The following COL19A1 variants were observed in gnomAD, a reference collection of about 807,000 sequenced individuals.
COL19A1 encodes collagen alpha-1(XIX) chain.
COL19A1 carries 159 observed loss-of-function variants against 190.2 expected under a neutral mutation model. The observed-to-expected ratio is 0.84, with a 90% CI of 0.73 to 0.95. The LOEUF is 0.95. Ranked by LOEUF, COL19A1 falls within the 40% of genes least tolerant of loss-of-function variation. The pLI is 0.00. For synonymous variants in COL19A1, 509 were observed against 458.9 expected, an observed-to-expected ratio of 1.11 and a Z score of -1.39; for missense variants, 1,418 against 1,431.9, an observed-to-expected ratio of 0.99 and a Z score of 0.16.
chr6:69,869,352 TAATAA>T (rs906319247), intron 1 of COL19A1, among the ~76,000 whole-genome samples: 5 of 152,138 alleles, frequency 3.3e-5, no homozygotes, highest in African/African-American at 9.7e-5. Context: ...TGTAAGCCAA[TAATAA>T]AATAATCAGG....
chr6:70,032,225 A>G (rs1028326918), intron 12 of COL19A1, among the ~76,000 whole-genome samples: 8 of 152,176 alleles, frequency 5.3e-5, no homozygotes, highest in Non-Finnish European at 1.2e-4. Flanking sequence ...TCTCAAAAGT[A>G]AGGAATGGAG....
At chr6:69,957,547 A>G (rs1207691422) in intron 9 of COL19A1, among the ~76,000 whole-genome samples, 1 of 151,698 alleles carries the variant, frequency 6.6e-6, no homozygotes, top group African/African-American at 2.4e-5. Flanking sequence ...TTCATAGAAA[A>G]CCCCGTAATG....
intron 11 of COL19A1, among the ~76,000 whole-genome samples, chr6:70,013,541 T>C (rs1778021569): frequency 4.4e-5 from 2 of 45,412 alleles, no homozygotes; most frequent in Admixed American, 2.8e-4. Context: ...TCACCACCGA[T>C]CCCACAGAAA....
chr6:70,082,437 G>A (rs572413995), intron 15 of COL19A1, among the ~76,000 whole-genome samples: 3 of 152,136 alleles, frequency 2.0e-5, no homozygotes, highest in South Asian at 2.1e-4. Flanking sequence ...CTGAGACAGA[G>A]TCTCACTCTG....
intron 4 of COL19A1, 152 bp from the exon 5 acceptor site, chr6:69,927,757 A>G (rs1400192537): frequency 1.0e-6 from 1 of 993,700 alleles, no homozygotes; most frequent in East Asian, 2.7e-5. Flanking sequence ...GTACCAGAAG[A>G]TTTTTTAAAA....
Position 70,098,529 on chromosome 6 carries a change from T to C in COL19A1, c.1225-3640T>C. On this transcript the variant is annotated intron_variant, in intron 15 of 50. Transcript: ENST00000620364. ...CTGGTATTATTTCATCTTTAAGCCTTGGCACTTCAGTTATACTTCCTCTTG... is the reference window on the plus strand; with the variant it reads ...CTGGTATTATTTCATCTTTAAGCCTCGGCACTTCAGTTATACTTCCTCTTG... The C allele has an allele frequency of 2.0e-5, 9 of 458,368 alleles. 2 individuals carry two copies. The highest frequency in any genetic ancestry group is 1.5e-4 in the South Asian group (9 of 59,326). The allele number at this position is 458,368 out of a possible 1,614,324, so 28.4% of individuals were successfully genotyped here.
intron 20 of COL19A1, among the ~76,000 whole-genome samples, chr6:70,141,525 T>C (rs992493286): frequency 2.6e-5 from 4 of 152,104 alleles, no homozygotes; most frequent in Non-Finnish European, 5.9e-5. Context: ...ACATATTACC[T>C]TAAATTCTAC....
chr6:70,099,640 G>A (rs1783504363), intron 15 of COL19A1, among the ~76,000 whole-genome samples: 1 of 152,110 alleles, frequency 6.6e-6, no homozygotes, highest in African/African-American at 2.4e-5. Context: ...TAACAAAAAG[G>A]TAACTGCACT....
intron 2 of COL19A1, among the ~76,000 whole-genome samples, chr6:69,887,469 A>G (rs915803915): frequency 6.6e-6 from 1 of 152,178 alleles, no homozygotes; most frequent in Non-Finnish European, 1.5e-5. Context: ...GTGAATTTCT[A>G]TGGATATATT....
intron 16 of COL19A1, among the ~76,000 whole-genome samples, chr6:70,107,695 T>A (rs147858564): frequency 2.6e-5 from 4 of 152,298 alleles, no homozygotes; most frequent in South Asian, 2.1e-4. Context: ...AAATAAAAGA[T>A]CACTTTGCAT....
chr6:69,918,050 G>A (rs986845457), intron 4 of COL19A1, among the ~76,000 whole-genome samples: 1 of 152,124 alleles, frequency 6.6e-6, no homozygotes, highest in Non-Finnish European at 1.5e-5. Flanking sequence ...CAAAACTCAA[G>A]TCATTGTGCC....
intron 19 of COL19A1, among the ~76,000 whole-genome samples, chr6:70,140,143 A>G (rs1459169727): frequency 6.6e-6 from 1 of 152,004 alleles, no homozygotes; most frequent in Non-Finnish European, 1.5e-5. Flanking sequence ...GTCCCTTGGT[A>G]TCTGTGGGGG....
chr6:69,983,450 A>G (rs1176280396), intron 11 of COL19A1, among the ~76,000 whole-genome samples: 4 of 151,934 alleles, frequency 2.6e-5, no homozygotes, highest in South Asian at 4.1e-4. Context: ...TACAAATCTT[A>G]TTTCTTGGAT....
intron 42 of COL19A1, among the ~76,000 whole-genome samples, chr6:70,179,436 C>T (rs892414802): frequency 2.0e-5 from 3 of 152,146 alleles, no homozygotes; most frequent in Non-Finnish European, 4.4e-5. Flanking sequence ...TCCACTGGAC[C>T]GTCTGCCCCT....
At chr6:70,109,831 G>GTCTT (rs1784186287) in intron 16 of COL19A1, among the ~76,000 whole-genome samples, 1 of 152,038 alleles carries the variant, frequency 6.6e-6, no homozygotes, top group Admixed American at 6.6e-5. Context: ...TCACATCTAA[G>GTCTT]TCTTTTCTTT....
intron 17 of COL19A1, among the ~76,000 whole-genome samples, chr6:70,126,837 G>T (rs1006453361): frequency 6.6e-6 from 1 of 152,178 alleles, no homozygotes; most frequent in African/African-American, 2.4e-5. Context: ...AGCCTCTGGT[G>T]GTTCCTTGGC....
At chr6:69,876,108 G>A (rs188644012) in intron 1 of COL19A1, among the ~76,000 whole-genome samples, 24 of 152,204 alleles carry the variant, frequency 1.6e-4, no homozygotes, top group African/African-American at 5.8e-4. Context: ...GAAGGGAAGA[G>A]AAACGGATTC....
chr6:69,958,296 C>T (rs1237935699), intron 9 of COL19A1, among the ~76,000 whole-genome samples: 1 of 152,062 alleles, frequency 6.6e-6, no homozygotes, highest in African/African-American at 2.4e-5. Context: ...GGATAATATG[C>T]CATATCTCAT....
intron 16 of COL19A1, 138 bp from the exon 17 acceptor site, chr6:70,121,742 A>G: frequency 1.0e-5 from 6 of 580,768 alleles, no homozygotes; most frequent in South Asian, 9.6e-5. Context: ...GTATTTCTCT[A>G]TTAATCAGAA....
Sources: gnomAD v4.1 joint callset for allele counts (sites outside exome capture counted in the v4.1 genomes callset) on GRCh38, gnomAD v4.1.1 for gene constraint, MANE v1.5 for transcripts, NCBI Gene and HGNC (gene_info 2026-07-23, HGNC 2026-07-21) for gene names.